ADGRV1: variants seen among roughly 807,000 people sequenced by gnomAD.
ADGRV1 encodes the protein adhesion G protein-coupled receptor V1, also known as G-protein coupled receptor 98.
In ADGRV1, 359 loss-of-function variants were observed where a neutral mutation model predicts 596.2. That is an observed-to-expected ratio of 0.60 (90% CI 0.55 to 0.66). ADGRV1 has a LOEUF of 0.66. ADGRV1 is among the 30% of genes least tolerant of loss of function. The probability of loss-of-function intolerance (pLI) is 0.00; values close to 1 mark genes in which losing one functional copy is unlikely to be tolerated. For synonymous variants in ADGRV1, 2,681 were observed against 2,679.2 expected, an observed-to-expected ratio of 1.00 and a Z score of -0.02; for missense variants, 7,274 against 7,575.6, an observed-to-expected ratio of 0.96 and a Z score of 1.48.
intron 26 of ADGRV1, 106 bp from the exon 27 acceptor site, chr5:90,681,209 T>C (rs545082864): frequency 8.3e-7 from 1 of 1,208,472 alleles, no homozygotes; most frequent in South Asian, 1.5e-5. Context: ...ATGTACTCAA[T>C]GAATGGAAGG....
intron 1 of ADGRV1, among the ~76,000 whole-genome samples, chr5:90,599,316 T>C (rs1761109279): frequency 6.6e-6 from 1 of 152,194 alleles, no homozygotes; most frequent in African/African-American, 2.4e-5. Flanking sequence ...CTCTCACCCA[T>C]CTAAATGATC....
intron 83 of ADGRV1, among the ~76,000 whole-genome samples, chr5:90,933,192 C>G (rs944594338): frequency 6.6e-6 from 1 of 152,120 alleles, no homozygotes; most frequent in African/African-American, 2.4e-5. Flanking sequence ...AATGAACATA[C>G]AAACAAAATT....
intron 69 of ADGRV1, among the ~76,000 whole-genome samples, chr5:90,790,452 T>G (rs1759938370): frequency 6.6e-6 from 1 of 152,208 alleles, no homozygotes; most frequent in African/African-American, 2.4e-5. Flanking sequence ...TGGAAAATAA[T>G]GATTGATTTT....
intron 70 of ADGRV1, among the ~76,000 whole-genome samples, chr5:90,795,426 C>T (rs1760587440): frequency 6.6e-6 from 1 of 152,224 alleles, no homozygotes; most frequent in Admixed American, 6.5e-5. Context: ...CGCAGCAAGG[C>T]TGCTGGGGTC....
At chr5:90,653,155 T>G in intron 19 of ADGRV1, 54 bp from the exon 20 acceptor site, 1 of 1,447,972 alleles carries the variant, frequency 6.9e-7, no homozygotes. Context: ...CTTCACATTA[T>G]ACTAGAAAGT....
At chr5:90,947,244 C>T (rs1043552450) in intron 83 of ADGRV1, among the ~76,000 whole-genome samples, 18 of 152,022 alleles carry the variant, frequency 1.2e-4, no homozygotes, top group African/African-American at 2.7e-4. Context: ...TCAGTGATAT[C>T]GAGCTTTTTC....
intron 86 of ADGRV1, among the ~76,000 whole-genome samples, chr5:91,099,143 C>T (rs752955498): frequency 2.0e-5 from 3 of 152,082 alleles, no homozygotes; most frequent in Non-Finnish European, 2.9e-5. Flanking sequence ...TATTCATCTA[C>T]GTAAATCTTC....
At chr5:91,149,382 C>G (rs1795825286) in intron 87 of ADGRV1, among the ~76,000 whole-genome samples, 1 of 152,196 alleles carries the variant, frequency 6.6e-6, no homozygotes, top group Non-Finnish European at 1.5e-5. Flanking sequence ...CTCATGAGAT[C>G]TGATGGTTTT....
Position 91,153,322 on chromosome 5 carries a change from A to C in ADGRV1, c.18726A>C (p.Gly6242=), listed in dbSNP as rs1796212753. The part of the protein sequence containing the change: ...PQNGATFPSS[G]GYGQGSLIAD... ...ATGGAGCCACGTTCCCGTCCTCTGG[A>C]GGATATGGCCAGGGGTCACTGATAG... Residue 6242 remains glycine, a synonymous_variant, in exon 89 of 90, where the codon GGA becomes GGC. Transcript: ENST00000405460. 2 of 1,612,646 alleles carry C rather than the reference A, an allele frequency of 1.2e-6. No homozygotes were observed. Among genetic ancestry groups the C allele is most frequent in the African/African-American group, 2.7e-5 (2 of 74,900 alleles).
At chr5:90,616,999 C>T (rs1279644087) in intron 2 of ADGRV1, among the ~76,000 whole-genome samples, 1 of 152,178 alleles carries the variant, frequency 6.6e-6, no homozygotes, top group African/African-American at 2.4e-5. Flanking sequence ...AGATATCTAT[C>T]TTTCAGCACC....
chr5:90,863,703 T>C (rs1036855858), intron 82 of ADGRV1, 54 bp from the exon 83 acceptor site: 2 of 1,282,140 alleles, frequency 1.6e-6, no homozygotes, highest in African/African-American at 2.9e-5. Flanking sequence ...GCTATGATGC[T>C]GTTAGAATCT....
At chr5:90,961,508 G>GAT (rs1554178865) in intron 83 of ADGRV1, among the ~76,000 whole-genome samples, 1 of 39,778 alleles carries the variant, frequency 2.5e-5, no homozygotes, top group African/African-American at 9.7e-5. Context: ...AAAAAAAAAA[G>GAT]GGGGGGTGGC....
chr5:91,042,978 A>G (rs1785496112), intron 85 of ADGRV1, among the ~76,000 whole-genome samples: 1 of 152,050 alleles, frequency 6.6e-6, no homozygotes, highest in Non-Finnish European at 1.5e-5. Context: ...ATTTCGAGCC[A>G]GTAGTAACCC....
chr5:91,081,210 C>T (rs1393421977), intron 86 of ADGRV1, among the ~76,000 whole-genome samples: 1 of 152,092 alleles, frequency 6.6e-6, no homozygotes, highest in African/African-American at 2.4e-5. Flanking sequence ...GGGGGCTCCA[C>T]CTTCATGAGA....
At chr5:90,661,670 C>G (rs1343749180) in intron 21 of ADGRV1, among the ~76,000 whole-genome samples, 1 of 152,090 alleles carries the variant, frequency 6.6e-6, no homozygotes, top group Non-Finnish European at 1.5e-5. Context: ...GAATATTTGG[C>G]AAATTCCTGA....
intron 83 of ADGRV1, among the ~76,000 whole-genome samples, chr5:90,922,484 C>T (rs1356562499): frequency 1.3e-5 from 2 of 152,178 alleles, no homozygotes; most frequent in Non-Finnish European, 2.9e-5. Context: ...CTCACTGTCA[C>T]TTACTATGTC....
intron 15 of ADGRV1, among the ~76,000 whole-genome samples, 154 bp downstream of exon 15, chr5:90,645,023 A>G (rs1319312212): frequency 6.6e-6 from 1 of 152,242 alleles, no homozygotes; most frequent in East Asian, 1.9e-4. Context: ...CCAGAAGAGC[A>G]GTATTATGTT....
At position 90,642,916 on chromosome 5, in the gene ADGRV1, C is replaced by T; in HGVS notation, c.2428C>T (p.Leu810=). The change falls in exon 13 of 90, where the codon CTA becomes TTA. Residue 810 remains leucine, a synonymous_variant. Coordinates refer to ENST00000405460, the MANE Select transcript of ADGRV1 (RefSeq NM_032119.4). ...RSRGSLVKQF[L]HYRVEPRDSN... is the part of the protein sequence containing the mutation. ...AAGGGGGTCCCTTGTTAAGCAGTTTCTACACTACCGAGTAGAGCCAAGAGA... is the reference window on the plus strand; with the variant it reads ...AAGGGGGTCCCTTGTTAAGCAGTTTTTACACTACCGAGTAGAGCCAAGAGA... 6.2e-7 allele frequency: 1 copy of T among 1,613,002 alleles called. No individual in the cohort carries two copies. Among genetic ancestry groups the T allele is most frequent in the Non-Finnish European group, 8.5e-7 (1 of 1,179,372 alleles).
At chr5:90,590,321 G>A (rs1215221576) in intron 1 of ADGRV1, among the ~76,000 whole-genome samples, 2 of 152,176 alleles carry the variant, frequency 1.3e-5, no homozygotes, top group African/African-American at 4.8e-5. Flanking sequence ...CTCGATAACG[G>A]CTGAGGCTGA....
Sources: allele counts gnomAD v4.1 joint callset (sites outside exome capture counted in the v4.1 genomes callset), GRCh38; gene constraint gnomAD v4.1.1; transcripts MANE v1.5; gene names NCBI Gene and HGNC (gene_info 2026-07-23, HGNC 2026-07-21).